Variants in SMAP1 observed in about 807,000 individuals in gnomAD.
The protein encoded by SMAP1 is small ArfGAP 1.
Under a neutral mutation model 58.5 loss-of-function variants are expected in SMAP1, and 24 were observed. That is an observed-to-expected ratio of 0.41 (90% CI 0.30 to 0.58). The LOEUF is 0.58. Ranked by LOEUF, SMAP1 falls within the 20% of genes least tolerant of loss-of-function variation. The pLI is 0.29. For synonymous variants in SMAP1, 216 were observed against 196.6 expected, an observed-to-expected ratio of 1.10 and a Z score of -0.82; for missense variants, 563 against 566.3, an observed-to-expected ratio of 0.99 and a Z score of 0.06.
At chr6:70,778,648 C>T (rs754861156) in intron 4 of SMAP1, among the ~76,000 whole-genome samples, 8 of 152,156 alleles carry the variant, frequency 5.3e-5, no homozygotes, top group East Asian at 1.9e-4. Context: ...GTCATGTGGG[C>T]GGTGGTGGCT....
intron 6 of SMAP1, among the ~76,000 whole-genome samples, chr6:70,813,051 G>A (rs1017504414): frequency 1.1e-4 from 16 of 152,008 alleles, no homozygotes; most frequent in Non-Finnish European, 1.2e-4. Flanking sequence ...ACTGCCTGGA[G>A]TCTCACCACT....
intron 2 of SMAP1, among the ~76,000 whole-genome samples, chr6:70,738,103 G>A (rs1203143619): frequency 2.0e-5 from 3 of 152,194 alleles, no homozygotes; most frequent in Non-Finnish European, 4.4e-5. Flanking sequence ...CTGGAATCGT[G>A]TGGCTGGGAT....
At chr6:70,729,533 T>G (rs996609857) in intron 1 of SMAP1, among the ~76,000 whole-genome samples, 1 of 151,026 alleles carries the variant, frequency 6.6e-6, no homozygotes, top group African/African-American at 2.4e-5. Context: ...AGTCCTATAT[T>G]CTAAATCGCC....
At chr6:70,707,027 G>GT (rs1321895568) in intron 1 of SMAP1, among the ~76,000 whole-genome samples, 2 of 151,988 alleles carry the variant, frequency 1.3e-5, no homozygotes, top group East Asian at 3.9e-4. Context: ...CTTATTCTGG[G>GT]TTTTTCTTTG....
In SMAP1 at chr6:70,677,567, C is replaced by T. The variant is rs186371590; in HGVS notation, c.118+9426C>T. 3.0e-3 allele frequency among the ~76,000 whole-genome samples: 452 copies of T among 150,912 alleles called. 3 individuals are homozygous for T. Among genetic ancestry groups the T allele is most frequent in the African/African-American group, 0.01 (418 of 41,152 alleles). ...CCGAGGAGCTGGTACTACAGGCGCC[C>T]GCCACCGCGCCCAGCTAATTTTTTG... On this transcript the variant is annotated intron_variant, in intron 1 of 10. Coordinates refer to ENST00000370455, the MANE Select transcript of SMAP1 (RefSeq NM_001044305.3).
Position 70,786,451 on chromosome 6 carries a change from A to C in SMAP1, c.415-5238A>C, listed in dbSNP as rs1366849298. On this transcript the variant is annotated intron_variant, in intron 4 of 10. Coordinates refer to ENST00000370455, the MANE Select transcript of SMAP1 (RefSeq NM_001044305.3). ...CAACATAGTGTTGGAAGTTCTGGCC[A>C]GGGCAATTAGGCAGGAGAAGGAAAT... 4.7e-5 allele frequency among the ~76,000 whole-genome samples: 4 copies of C among 85,728 alleles called. No homozygotes were observed. In the East Asian group the frequency reaches 1.6e-3, roughly 34 times the overall value. The allele number at this position is 85,728 out of a possible 152,430, so 56.2% of individuals were successfully genotyped here.
At chr6:70,770,758 C>G (rs1010678103) in intron 3 of SMAP1, among the ~76,000 whole-genome samples, 13 of 152,222 alleles carry the variant, frequency 8.5e-5, no homozygotes, top group African/African-American at 2.4e-4. Flanking sequence ...TTGTCAAAGT[C>G]ATTCTCTGTC....
At chr6:70,692,824 C>T (rs947818739) in intron 1 of SMAP1, among the ~76,000 whole-genome samples, 2 of 152,098 alleles carry the variant, frequency 1.3e-5, no homozygotes, top group African/African-American at 4.8e-5. Flanking sequence ...CGCTCTGTTG[C>T]CCAGGCTGGA....
chr6:70,768,352 A>G (rs1475405178), intron 3 of SMAP1, among the ~76,000 whole-genome samples: 1 of 152,232 alleles, frequency 6.6e-6, no homozygotes, highest in African/African-American at 2.4e-5. Flanking sequence ...TACCTCTGGT[A>G]GAATTCGGCT....
chr6:70,811,472 C>T (rs1346939801), intron 6 of SMAP1, among the ~76,000 whole-genome samples: 8 of 152,014 alleles, frequency 5.3e-5, no homozygotes, highest in South Asian at 4.2e-4. Context: ...GCCTGTTACG[C>T]GATCCTCGGG....
At chr6:70,741,747 G>A (rs937004731) in intron 2 of SMAP1, among the ~76,000 whole-genome samples, 1 of 152,190 alleles carries the variant, frequency 6.6e-6, no homozygotes. Flanking sequence ...CCTAGCAGAG[G>A]TTCTCCATGA....
intron 6 of SMAP1, among the ~76,000 whole-genome samples, chr6:70,803,372 A>G (rs1032630739): frequency 6.6e-6 from 1 of 152,000 alleles, no homozygotes; most frequent in Admixed American, 6.5e-5. Context: ...TATTGCGTCT[A>G]TTTGATTCTT....
intron 3 of SMAP1, among the ~76,000 whole-genome samples, chr6:70,766,159 G>A (rs1766974912): frequency 6.6e-6 from 1 of 152,032 alleles, no homozygotes; most frequent in Admixed American, 6.6e-5. Context: ...TGGACATTTG[G>A]GTTGGTTCCA....
At chr6:70,842,430 C>T (rs916279420) in intron 7 of SMAP1, among the ~76,000 whole-genome samples, 10 of 152,106 alleles carry the variant, frequency 6.6e-5, no homozygotes, top group African/African-American at 2.4e-4. Flanking sequence ...AGTAGTAGGG[C>T]AGTTGGTGAA....
At chr6:70,754,880 A>G (rs1486922530) in intron 2 of SMAP1, 100 bp from the exon 3 acceptor site, 13 of 585,360 alleles carry the variant, frequency 2.2e-5, no homozygotes, top group Non-Finnish European at 1.2e-5. Flanking sequence ...TGGAAATAAT[A>G]AATTATTTGG....
chr6:70,671,678 A>G (rs557267734), intron 1 of SMAP1, among the ~76,000 whole-genome samples: 7 of 152,350 alleles, frequency 4.6e-5, no homozygotes, highest in Admixed American at 3.9e-4. Flanking sequence ...ACACTATTGC[A>G]TGTTCTATCT....
At chr6:70,749,763 T>C (rs1446819418) in intron 2 of SMAP1, among the ~76,000 whole-genome samples, 1 of 152,106 alleles carries the variant, frequency 6.6e-6, no homozygotes, top group Non-Finnish European at 1.5e-5. Context: ...AGGGACAAAG[T>C]ACAGGGGTAA....
intron 1 of SMAP1, among the ~76,000 whole-genome samples, chr6:70,719,208 G>A (rs1295522715): frequency 6.6e-6 from 1 of 152,090 alleles, no homozygotes; most frequent in African/African-American, 2.4e-5. Flanking sequence ...TTGTCGTTTG[G>A]TATTCATAGC....
intron 2 of SMAP1, among the ~76,000 whole-genome samples, chr6:70,753,742 C>T (rs1191433169): frequency 6.6e-6 from 1 of 151,992 alleles, no homozygotes; most frequent in African/African-American, 2.4e-5. Flanking sequence ...ATTTTGCCTT[C>T]TATGTCATCT....
Sources: allele counts gnomAD v4.1 joint callset (sites outside exome capture counted in the v4.1 genomes callset), GRCh38; gene constraint gnomAD v4.1.1; transcripts MANE v1.5; gene names NCBI Gene and HGNC (gene_info 2026-07-23, HGNC 2026-07-21).